PARP16: variants seen among roughly 807,000 people sequenced by gnomAD.
PARP16 encodes poly(ADP-ribose) polymerase family member 16, also known as protein mono-ADP-ribosyltransferase PARP16.
In PARP16, 31 loss-of-function variants were observed where a neutral mutation model predicts 35.0. The observed-to-expected ratio is 0.88, with a 90% CI of 0.66 to 1.19. PARP16 has a LOEUF of 1.19. PARP16 is among the 50% of genes most tolerant of loss of function. The pLI, the probability that PARP16 is intolerant of heterozygous loss-of-function variation, is 0.00. For synonymous variants in PARP16, 162 were observed against 169.5 expected (o/e 0.96, Z 0.34); for missense variants, 424 against 411.2 (o/e 1.03, Z -0.27).
chr15:65,259,809 T>G (rs1393443354), intron 5 of PARP16, among the ~76,000 whole-genome samples: 1 of 152,190 alleles, frequency 6.6e-6, no homozygotes, highest in African/African-American at 2.4e-5. Flanking sequence ...AGCTCCTCTT[T>G]TACCATTTAC....
chr15:65,242,022 TGGCCCAC>T (rs1204288115), intron 3 of PARP16, among the ~76,000 whole-genome samples: 2 of 152,208 alleles, frequency 1.3e-5, no homozygotes, highest in African/African-American at 4.8e-5. Flanking sequence ...ATTAGATTTG[TGGCCCAC>T]TTGGATTAAT....
downstream of PARP16, among the ~76,000 whole-genome samples, chr15:65,256,556 C>T (rs1247117389): frequency 3.3e-5 from 5 of 151,764 alleles, no homozygotes; most frequent in Admixed American, 6.6e-5. Flanking sequence ...TACAGGCGCC[C>T]GCAACCACGC....
chr15:65,285,583 T>C (rs1378026967), intron 1 of PARP16: 5 of 311,116 alleles, frequency 1.6e-5, no homozygotes, highest in Non-Finnish European at 3.2e-5. Flanking sequence ...GTCCCAAAGA[T>C]ACATGGAGTT....
At chr15:65,250,279 A>T (rs1308136341) in intron 2 of PARP16, among the ~76,000 whole-genome samples, 2 of 151,290 alleles carry the variant, frequency 1.3e-5, no homozygotes, top group African/African-American at 4.9e-5. Flanking sequence ...CACCATGCCC[A>T]GCTGATTTTT....
At chr15:65,272,438 A>C (rs2090124830) in intron 1 of PARP16, among the ~76,000 whole-genome samples, 1 of 152,154 alleles carries the variant, frequency 6.6e-6, no homozygotes, top group Non-Finnish European at 1.5e-5. Context: ...AGAAGTTATG[A>C]CTGACTAGAG....
At chr15:65,249,711 G>A (rs910611617) in intron 2 of PARP16, among the ~76,000 whole-genome samples, 1 of 152,250 alleles carries the variant, frequency 6.6e-6, no homozygotes, top group Non-Finnish European at 1.5e-5. Context: ...CTGGATGCAA[G>A]GTCTCAAAAA....
At chr15:65,265,130 C>A (rs1252252271) in intron 3 of PARP16, among the ~76,000 whole-genome samples, 1 of 152,214 alleles carries the variant, frequency 6.6e-6, no homozygotes, top group Non-Finnish European at 1.5e-5. Flanking sequence ...TCTCCAGTCT[C>A]AGGGCTGCAG....
At chr15:65,266,165 C>T (rs1440090588) in intron 3 of PARP16, among the ~76,000 whole-genome samples, 1 of 152,052 alleles carries the variant, frequency 6.6e-6, no homozygotes, top group Non-Finnish European at 1.5e-5. Context: ...CCTCAGCCTC[C>T]CAAAGTCCTG....
Position 65,259,469 on chromosome 15 carries a change from G to C in PARP16, c.907C>G (p.Leu303Val), listed in dbSNP as rs750267141. 1 of 1,609,892 alleles carries C rather than the reference G, an allele frequency of 6.2e-7. No individual in the cohort carries two copies. ...GAGGAGTTGATGACACTCACTATGAGCAGCAGCAGCAGATACAGGGATATC... is the reference window on the plus strand; with the variant it reads ...GAGGAGTTGATGACACTCACTATGACCAGCAGCAGCAGATACAGGGATATC... The part of the protein sequence containing the change: ...VMISLYLLLL[L>V]IVSVINSSAF... The change falls in exon 6 of 6, where the codon CTC (leucine) becomes GTC (valine). Residue 303 changes from leucine (L) to valine (V), a missense_variant. Physicochemically the swap from Leu to Val is conservative, Grantham distance 32 (BLOSUM62 1). Coordinates refer to ENST00000649807, the MANE Select transcript of PARP16 (RefSeq NM_001316943.2).
At chr15:65,278,533 G>A (rs1595716695) in intron 1 of PARP16, among the ~76,000 whole-genome samples, 2 of 152,174 alleles carry the variant, frequency 1.3e-5, no homozygotes, top group African/African-American at 4.8e-5. Context: ...GGTACTTTGG[G>A]TGAATAGGCC....
intron 2 of PARP16, among the ~76,000 whole-genome samples, chr15:65,268,723 C>T (rs1003873280): frequency 7.2e-5 from 11 of 152,056 alleles, no homozygotes; most frequent in East Asian, 1.9e-4. Context: ...GGATTACAGG[C>T]GCAAGCCACT....
At chr15:65,273,887 A>AC (rs1470521490) in intron 1 of PARP16, among the ~76,000 whole-genome samples, 3 of 151,396 alleles carry the variant, frequency 2.0e-5, no homozygotes, top group African/African-American at 4.9e-5. Context: ...AAAAAAAAAA[A>AC]AAACAAAAAA....
At chr15:65,281,434 A>G (rs2090418911) in intron 1 of PARP16, among the ~76,000 whole-genome samples, 2 of 152,222 alleles carry the variant, frequency 1.3e-5, no homozygotes, top group African/African-American at 4.8e-5. Flanking sequence ...TCATGCCTGT[A>G]ATCCCAGCAG....
At chr15:65,231,568 C>T (rs985703095), downstream of PARP16, among the ~76,000 whole-genome samples, 5 of 151,704 alleles carry the variant, frequency 3.3e-5, no homozygotes, top group Non-Finnish European at 7.4e-5. Context: ...TTGTGCCTCG[C>T]CCTCCAGAGT....
intron 2 of PARP16, among the ~76,000 whole-genome samples, chr15:65,267,151 G>T (rs1469728827): frequency 6.6e-6 from 1 of 152,110 alleles, no homozygotes; most frequent in Non-Finnish European, 1.5e-5. Context: ...TGAGGCAGAA[G>T]AATCACTTGA....
intron 1 of PARP16, among the ~76,000 whole-genome samples, chr15:65,275,597 G>A (rs2090230164): frequency 6.6e-6 from 1 of 152,144 alleles, no homozygotes; most frequent in Non-Finnish European, 1.5e-5. Context: ...GGAACCTAGA[G>A]TGTGGGGAAG....
downstream of PARP16, among the ~76,000 whole-genome samples, chr15:65,255,210 CATTCCCAG>C (rs2089464369): frequency 2.6e-5 from 4 of 151,342 alleles, no homozygotes; most frequent in Admixed American, 2.6e-4. Context: ...CCTGCCTCTC[CATTCCCAG>C]GTACCCAGAG....
chr15:65,234,402 G>C (rs939859007), downstream of PARP16: 2 of 152,192 alleles, frequency 1.3e-5, no homozygotes, highest in African/African-American at 4.8e-5. Flanking sequence ...AAGACCTCTT[G>C]GGGGAGAAGC....
chr15:65,286,152 C>A, intron 1 of PARP16, 101 bp downstream of exon 1: 15 of 967,300 alleles, frequency 1.6e-5, no homozygotes, highest in Non-Finnish European at 2.2e-5. Flanking sequence ...AGTCTGGCGG[C>A]TGTCATGTTT....
Sources: allele counts gnomAD v4.1 joint callset (sites outside exome capture counted in the v4.1 genomes callset), GRCh38; gene constraint gnomAD v4.1.1; transcripts MANE v1.5; gene names NCBI Gene and HGNC (gene_info 2026-07-23, HGNC 2026-07-21).